Variants in TLK1 observed in about 807,000 individuals in gnomAD.
TLK1 encodes the protein tousled like kinase 1.
A neutral mutation model predicts 105.3 loss-of-function variants in TLK1; 24 were observed. The ratio of observed to expected loss-of-function variants is 0.23; its 90% CI spans 0.17 to 0.32. The LOEUF (loss-of-function observed/expected upper bound fraction) is 0.32. TLK1 is among the 10% of genes least tolerant of loss of function. The pLI, the probability that TLK1 is intolerant of heterozygous loss-of-function variation, is 1.00. For synonymous variants in TLK1, 321 were observed against 310.4 expected, an observed-to-expected ratio of 1.03 and a Z score of -0.36; for missense variants, 558 against 910.5, an observed-to-expected ratio of 0.61 and a Z score of 4.98.
At chr2:171,114,314 G>C (rs765539915) in intron 2 of TLK1, among the ~76,000 whole-genome samples, 45 of 152,148 alleles carry the variant, frequency 3.0e-4, no homozygotes, top group Non-Finnish European at 5.7e-4. Flanking sequence ...GCCAAAAAAA[G>C]GACTTTGCAG....
intron 1 of TLK1, among the ~76,000 whole-genome samples, chr2:171,227,183 T>C (rs1486113062): frequency 2.0e-5 from 3 of 152,130 alleles, no homozygotes; most frequent in Non-Finnish European, 4.4e-5. Flanking sequence ...GTAGTTGAGG[T>C]GGAGCTGACC....
At chr2:171,102,477 C>T (rs565360053) in intron 2 of TLK1, among the ~76,000 whole-genome samples, 2 of 152,134 alleles carry the variant, frequency 1.3e-5, no homozygotes, top group African/African-American at 4.8e-5. Context: ...TAACATTTAC[C>T]CTTCTTTCTA....
At chr2:171,040,824 G>A (rs554079447) in intron 11 of TLK1, among the ~76,000 whole-genome samples, 4 of 151,954 alleles carry the variant, frequency 2.6e-5, no homozygotes, top group South Asian at 2.1e-4. Context: ...TGATCCTCCC[G>A]TCTCAGCCTC....
intron 18 of TLK1, among the ~76,000 whole-genome samples, chr2:171,001,056 C>T (rs1244532695): frequency 6.6e-6 from 1 of 152,234 alleles, no homozygotes; most frequent in East Asian, 1.9e-4. Flanking sequence ...ATTTCCTTGA[C>T]TGCCTCTGTC....
chr2:171,076,233 A>G (rs1293968528), intron 3 of TLK1, among the ~76,000 whole-genome samples: 1 of 151,738 alleles, frequency 6.6e-6, no homozygotes, highest in Non-Finnish European at 1.5e-5. Context: ...GCGGGGGGAG[A>G]AAAAGAGGTA....
intron 1 of TLK1, among the ~76,000 whole-genome samples, chr2:171,121,087 T>C (rs186618190): frequency 6.6e-6 from 1 of 152,262 alleles, no homozygotes; most frequent in Non-Finnish European, 1.5e-5. Flanking sequence ...GGGAGGTTAG[T>C]ATTTAATGGG....
intron 1 of TLK1, among the ~76,000 whole-genome samples, chr2:171,205,747 T>G (rs1394965981): frequency 6.6e-6 from 1 of 152,242 alleles, no homozygotes; most frequent in Non-Finnish European, 1.5e-5. Context: ...TCCATTCTCT[T>G]CACTTAAGCT....
Position 171,144,972 on chromosome 2 carries a change from A to G in TLK1, c.139+15318T>C, listed in dbSNP as rs911286721. Among the ~76,000 whole-genome samples the G allele has an allele frequency of 2.0e-5, 3 of 152,330 alleles. No homozygotes were observed. The South Asian group carries it at 6.2e-4, about 32-fold the overall frequency. On this transcript the variant is annotated intron_variant, in intron 1 of 20. Transcript: ENST00000431350. ...AATAAACTTTATGAAAAAGTGGTAA[A>G]CATCCTTAGTCATCAGGGAAATGAA... is the stretch of plus-strand genomic sequence containing the variant.
intron 2 of TLK1, among the ~76,000 whole-genome samples, chr2:171,093,294 C>G (rs1048317434): frequency 6.6e-6 from 1 of 152,102 alleles, no homozygotes; most frequent in African/African-American, 2.4e-5. Flanking sequence ...AAAATTTTGT[C>G]TAGGTACACA....
At chr2:171,024,871 A>T (rs934312626) in intron 12 of TLK1, among the ~76,000 whole-genome samples, 3 of 152,224 alleles carry the variant, frequency 2.0e-5, no homozygotes, top group Non-Finnish European at 4.4e-5. Context: ...GCAATAAGTC[A>T]CTTAATAAAT....
chr2:171,135,506 A>C (rs1486829180), intron 1 of TLK1, among the ~76,000 whole-genome samples: 1 of 152,072 alleles, frequency 6.6e-6, no homozygotes. Context: ...TATCTCTTAA[A>C]AAAGAAAAAG....
intron 3 of TLK1, among the ~76,000 whole-genome samples, chr2:171,075,544 T>C (rs1319837570): frequency 6.6e-6 from 1 of 152,220 alleles, no homozygotes; most frequent in African/African-American, 2.4e-5. Flanking sequence ...TAATTTGATA[T>C]ATGTCTGCTT....
chr2:171,098,136 G>A (rs1168032108), intron 2 of TLK1, among the ~76,000 whole-genome samples: 5 of 152,040 alleles, frequency 3.3e-5, no homozygotes, highest in East Asian at 3.9e-4. Context: ...TGGTAAAAGG[G>A]TACAAAGGTT....
At chr2:171,058,260 G>C in intron 4 of TLK1, 63 bp from the exon 5 acceptor site, 1 of 1,417,652 alleles carries the variant, frequency 7.1e-7, no homozygotes. Flanking sequence ...AATATTAAGA[G>C]TCCGCAGGAC....
intron 14 of TLK1, among the ~76,000 whole-genome samples, chr2:171,007,592 C>T (rs923862192): frequency 6.6e-6 from 1 of 152,000 alleles, no homozygotes; most frequent in African/African-American, 2.4e-5. Flanking sequence ...CTATAATGTG[C>T]CCTTATGCCC....
At chr2:171,183,379 A>T (rs1692963174) in intron 1 of TLK1, among the ~76,000 whole-genome samples, 1 of 152,162 alleles carries the variant, frequency 6.6e-6, no homozygotes, top group South Asian at 2.1e-4. Context: ...TTTACCACAT[A>T]TGTAGAAATT....
At chr2:171,221,922 G>A (rs1214678657) in intron 1 of TLK1, among the ~76,000 whole-genome samples, 1 of 152,160 alleles carries the variant, frequency 6.6e-6, no homozygotes, top group African/African-American at 2.4e-5. Context: ...TCACATGGGG[G>A]GTTAGGGCGT....
intron 1 of TLK1, among the ~76,000 whole-genome samples, chr2:171,147,820 C>A (rs1248878879): frequency 6.6e-6 from 1 of 152,044 alleles, no homozygotes; most frequent in African/African-American, 2.4e-5. Flanking sequence ...GTATGAGACG[C>A]AGTTATACCA....
At chr2:171,013,162 A>C (rs1334788189) in intron 13 of TLK1, among the ~76,000 whole-genome samples, 4 of 151,364 alleles carry the variant, frequency 2.6e-5, no homozygotes, top group African/African-American at 7.3e-5. Context: ...ACAGGCGCCC[A>C]CCACAACGCT....
Sources: allele counts gnomAD v4.1 joint callset (sites outside exome capture counted in the v4.1 genomes callset), GRCh38; gene constraint gnomAD v4.1.1; transcripts MANE v1.5; gene names NCBI Gene and HGNC (gene_info 2026-07-23, HGNC 2026-07-21).